The following CUX1 variants were observed in gnomAD, a reference collection of about 807,000 sequenced individuals.
The protein encoded by CUX1 is protein CASP.
CUX1 carries 31 observed loss-of-function variants against 158.8 expected under a neutral mutation model. That is an observed-to-expected ratio of 0.20 (90% CI 0.15 to 0.26). The LOEUF (loss-of-function observed/expected upper bound fraction) is 0.26. CUX1 is among the 10% of genes least tolerant of loss of function. CUX1 has a pLI of 1.00. For missense variants in CUX1, 1,589 were observed against 2,014.6 expected (o/e 0.79, Z 4.04); for synonymous variants, 879 against 862.1 (o/e 1.02, Z -0.34).
chr7:102,260,865 C>T (rs1215462202), downstream of CUX1, among the ~76,000 whole-genome samples: 1 of 152,222 alleles, frequency 6.6e-6, no homozygotes, highest in Non-Finnish European at 1.5e-5. Context: ...GAGTGGCTGC[C>T]TGGGGGCATG....
chr7:101,959,799 GATTTCACCGCGTACAT>G (rs1810245043), intron 2 of CUX1, among the ~76,000 whole-genome samples: 1 of 152,102 alleles, frequency 6.6e-6, no homozygotes, highest in South Asian at 2.1e-4. Context: ...TTCTGCGGAG[GATTTCACCGCGTACAT>G]ATTCTCTGTT....
rs1789660139 is a variant in CUX1 at position 102,254,441 on chromosome 7, C to T, written c.*5399C>T. On this transcript the variant is annotated 3_prime_UTR_variant, in exon 24 of 24. Transcript: ENST00000292535. ...AGGATAGATGGCTTCCTCCAGCCTA[C>T]ACGCCCCGTCCACAGTGGCATCACC... 2 of 985,524 alleles carry T rather than the reference C, an allele frequency of 2.0e-6. No homozygotes were observed. Among genetic ancestry groups the T allele is most frequent in the South Asian group, 4.7e-5 (1 of 21,292 alleles). 61.0% of individuals were successfully genotyped at this position (985,524 alleles called of 1,614,324 possible). A position where few individuals can be genotyped will look rare whatever the true frequency, so the allele number is the denominator to read the frequency against.
At chr7:102,012,376 C>T (rs1398326538) in intron 2 of CUX1, among the ~76,000 whole-genome samples, 4 of 152,036 alleles carry the variant, frequency 2.6e-5, no homozygotes, top group African/African-American at 2.4e-5. Flanking sequence ...TTAGTAGAAA[C>T]GGGGTTTCAC....
At position 102,252,541 on chromosome 7, in the gene CUX1, AC is replaced by A; in HGVS notation, c.*3500del. On this transcript the variant is annotated 3_prime_UTR_variant, in exon 24 of 24. Coordinates refer to ENST00000292535, the MANE Select transcript of CUX1 (RefSeq NM_181552.4). ...TTGTTAATTGGAGGCATTGTTCATAACTTAAGGCTTTTGCCATTAACTTAGC... is the reference window on the plus strand; with the variant it reads ...TTGTTAATTGGAGGCATTGTTCATAATTAAGGCTTTTGCCATTAACTTAGC... 1.0e-6 allele frequency: 1 copy of A among 985,476 alleles called. No homozygotes were observed. The highest frequency in any genetic ancestry group is 1.2e-6 in the Non-Finnish European group (1 of 829,936). The allele number at this position is 985,476 out of a possible 1,614,324, so 61.0% of individuals were successfully genotyped here.
intron 1 of CUX1, among the ~76,000 whole-genome samples, chr7:101,906,977 C>G (rs528421377): frequency 6.6e-6 from 1 of 152,194 alleles, no homozygotes; most frequent in African/African-American, 2.4e-5. Flanking sequence ...GATGCCCCCT[C>G]TGGCCCACGT....
At chr7:101,915,765 C>T (rs1447885474) in intron 1 of CUX1, among the ~76,000 whole-genome samples, 1 of 152,058 alleles carries the variant, frequency 6.6e-6, no homozygotes, top group Non-Finnish European at 1.5e-5. Context: ...CTTGGGGAGG[C>T]GGGTGCTTTG....
intron 23 of CUX1, among the ~76,000 whole-genome samples, chr7:102,243,083 G>A (rs947573776): frequency 2.6e-5 from 4 of 151,784 alleles, no homozygotes; most frequent in Non-Finnish European, 5.9e-5. Context: ...AGACCAGCCT[G>A]GCCAACATGA....
At chr7:102,156,219 C>T (rs1554505253) in intron 8 of CUX1, among the ~76,000 whole-genome samples, 1 of 152,102 alleles carries the variant, frequency 6.6e-6, no homozygotes, top group Non-Finnish European at 1.5e-5. Flanking sequence ...TGTACCTTAG[C>T]CTGTTTTCTG....
chr7:101,856,333 CG>C (rs1796818381), intron 1 of CUX1, among the ~76,000 whole-genome samples: 1 of 151,986 alleles, frequency 6.6e-6, no homozygotes, highest in Non-Finnish European at 1.5e-5. Context: ...TCCACGGTTG[CG>C]GTTTGTTTAT....
chr7:102,180,537 G>C (rs1554513627), intron 11 of CUX1, among the ~76,000 whole-genome samples: 1 of 151,738 alleles, frequency 6.6e-6, no homozygotes, highest in Admixed American at 6.6e-5. Context: ...TGTTCCCCAG[G>C]CTGGTCTGGG....
chr7:101,984,077 C>CCCA (rs1185648555), intron 2 of CUX1, among the ~76,000 whole-genome samples: 1 of 16,762 alleles, frequency 6.0e-5, no homozygotes, highest in African/African-American at 3.1e-4. Flanking sequence ...TGTCCCCCCC[C>CCCA]AAAAAAAAAA....
chr7:101,955,558 G>A (rs1242420325), intron 2 of CUX1, among the ~76,000 whole-genome samples: 1 of 152,146 alleles, frequency 6.6e-6, no homozygotes, highest in Non-Finnish European at 1.5e-5. Flanking sequence ...CCCCACTTCT[G>A]CAGTCTCATG....
At chr7:102,193,944 C>A in intron 13 of CUX1, 54 bp downstream of exon 13, 1 of 1,552,680 alleles carries the variant, frequency 6.4e-7, no homozygotes. Context: ...TGCTGGTTAC[C>A]ACTGGTCCCT....
intron 2 of CUX1, among the ~76,000 whole-genome samples, chr7:101,969,359 CAAAAAAAAAAAAAA>C (rs10711703): frequency 5.3e-5 from 3 of 56,112 alleles, no homozygotes; most frequent in Admixed American, 4.2e-4. Flanking sequence ...CAAAAAACAG[CAAAAAAAAAAAAAA>C]AAAAAAAAAA....
chr7:101,836,730 C>CGG (rs1794679063), intron 1 of CUX1, among the ~76,000 whole-genome samples: 1 of 151,280 alleles, frequency 6.6e-6, no homozygotes, highest in Non-Finnish European at 1.5e-5. Context: ...TCCTTCCCCA[C>CGG]GGCCAGTGGG....
At chr7:102,234,386 A>G in intron 22 of CUX1, 146 bp downstream of exon 22, 1 of 631,100 alleles carries the variant, frequency 1.6e-6, no homozygotes, top group Non-Finnish European at 2.4e-6. Context: ...TTGGATGGTC[A>G]TCAGCTAATG....
chr7:101,851,566 G>C (rs1163254420), intron 1 of CUX1, among the ~76,000 whole-genome samples: 3 of 152,184 alleles, frequency 2.0e-5, no homozygotes, highest in Non-Finnish European at 4.4e-5. Flanking sequence ...TCCCAGGTTG[G>C]AAAACACTTC....
chr7:102,250,999 CT>C lies in CUX1; in HGVS notation c.*1958del, dbSNP rs1391267818. 4.2e-6 allele frequency: 4 copies of C among 961,544 alleles called. No individual in the cohort carries two copies. The highest frequency in any genetic ancestry group is 1.1e-4 in the East Asian group (1 of 8,700). 59.6% of individuals were successfully genotyped at this position (961,544 alleles called of 1,614,324 possible). A position where few individuals can be genotyped will look rare whatever the true frequency, so the allele number is the denominator to read the frequency against. On this transcript the variant is annotated 3_prime_UTR_variant, in exon 24 of 24. Transcript: ENST00000292535. ...ATTTTTTTTTGCTTATTTATAGGTG[CT>C]GTATTTTATTATCTGATTGTTAGGA...
chr7:101,867,830 T>C (rs1386266226), intron 1 of CUX1, among the ~76,000 whole-genome samples: 2 of 152,062 alleles, frequency 1.3e-5, no homozygotes, highest in East Asian at 1.9e-4. Context: ...TTTTTTTTTT[T>C]CTGAGACAGG....
Sources: gnomAD v4.1 joint callset for allele counts (sites outside exome capture counted in the v4.1 genomes callset) on GRCh38, gnomAD v4.1.1 for gene constraint, MANE v1.5 for transcripts, NCBI Gene and HGNC (gene_info 2026-07-23, HGNC 2026-07-21) for gene names.